NXPH1: variants seen among roughly 807,000 people sequenced by gnomAD.
The protein encoded by NXPH1 is neurexophilin 1.
NXPH1 carries 5 observed loss-of-function variants against 23.7 expected under a neutral mutation model. The observed-to-expected ratio is 0.21, with a 90% confidence interval of 0.11 to 0.44. The LOEUF (loss-of-function observed/expected upper bound fraction) is 0.44. Ranked by LOEUF, NXPH1 falls within the 20% of genes least tolerant of loss-of-function variation. The probability of loss-of-function intolerance (pLI) is 0.99; values close to 1 mark genes in which losing one functional copy is unlikely to be tolerated. For missense variants in NXPH1, 324 were observed against 321.6 expected (o/e 1.01, Z -0.06); for synonymous variants, 144 against 122.2 (o/e 1.18, Z -1.18).
chr7:8,703,851 C>T (rs1228308647), intron 2 of NXPH1, among the ~76,000 whole-genome samples: 1 of 152,066 alleles, frequency 6.6e-6, no homozygotes, highest in Non-Finnish European at 1.5e-5. Flanking sequence ...TCCCTTTGTT[C>T]AATTATTTCA....
At chr7:8,660,938 A>C (rs1000282193) in intron 2 of NXPH1, among the ~76,000 whole-genome samples, 1 of 150,594 alleles carries the variant, frequency 6.6e-6, no homozygotes, top group African/African-American at 2.5e-5. Context: ...ATCAGAGGAC[A>C]TAATTTTTAT....
In NXPH1 at chr7:8,538,837, A is replaced by G. The variant is rs562319705; in HGVS notation, c.54+103070A>G. On this transcript the variant is annotated intron_variant, in intron 2 of 2. Transcript: ENST00000405863. The stretch of plus-strand genomic sequence containing the variant: ...TGACGGTAAAGCTGAAGTCCCAGAC[A>G]GCAAGCTGTATGGATTTGAGCAGAA... Among the ~76,000 whole-genome samples the G allele has an allele frequency of 2.0e-5, 3 of 152,096 alleles. No homozygotes were observed. The East Asian group carries it at 5.8e-4, about 30-fold the overall frequency.
intron 2 of NXPH1, among the ~76,000 whole-genome samples, chr7:8,691,202 A>G (rs952256229): frequency 2.6e-5 from 4 of 152,066 alleles, no homozygotes; most frequent in South Asian, 2.1e-4. Flanking sequence ...CTGGAGTGCA[A>G]TGGCGTGATC....
intron 2 of NXPH1, among the ~76,000 whole-genome samples, chr7:8,479,988 TAATA>T (rs760365396): frequency 2.8e-4 from 42 of 152,006 alleles, no homozygotes; most frequent in Non-Finnish European, 3.8e-4. Flanking sequence ...AAAAAATAAT[TAATA>T]AATAAAATTA....
At chr7:8,741,447 A>G (rs1241279848) in intron 2 of NXPH1, among the ~76,000 whole-genome samples, 3 of 151,982 alleles carry the variant, frequency 2.0e-5, no homozygotes, top group South Asian at 2.1e-4. Context: ...TGGTAGTTCT[A>G]TTTGTAGTTG....
chr7:8,679,602 T>G (rs1821020101), intron 2 of NXPH1, among the ~76,000 whole-genome samples: 1 of 152,214 alleles, frequency 6.6e-6, no homozygotes, highest in South Asian at 2.1e-4. Context: ...TTGTTATTAT[T>G]TTTGGTGTGA....
rs140572394 is a variant in NXPH1, at chr7:8,520,802, T to C, written c.54+85035T>C. 1.6e-3 allele frequency among the ~76,000 whole-genome samples: 247 copies of C among 152,306 alleles called. 1 individual carries two copies. Among genetic ancestry groups the C allele is most frequent in the African/African-American group, 5.7e-3 (235 of 41,580 alleles). ...AGTTGCATTGTATCATAAACATATTTCATGCCGGGTTTTGTCACTTCATTT... is the reference window on the plus strand; with the variant it reads ...AGTTGCATTGTATCATAAACATATTCCATGCCGGGTTTTGTCACTTCATTT... On this transcript the variant is annotated intron_variant, in intron 2 of 2. Coordinates refer to ENST00000405863, the MANE Select transcript of NXPH1 (RefSeq NM_152745.3).
intron 2 of NXPH1, among the ~76,000 whole-genome samples, chr7:8,721,342 G>A (rs1359256166): frequency 6.6e-6 from 1 of 151,964 alleles, no homozygotes; most frequent in Non-Finnish European, 1.5e-5. Flanking sequence ...GCATATGGAA[G>A]TTTCTTGTAA....
At chr7:8,557,145 G>A (rs1386720756) in intron 2 of NXPH1, among the ~76,000 whole-genome samples, 1 of 151,720 alleles carries the variant, frequency 6.6e-6, no homozygotes, top group Admixed American at 6.6e-5. Context: ...TTTAGAACCT[G>A]TGTTTGGGTC....
At chr7:8,649,863 T>C (rs1820462683) in intron 2 of NXPH1, among the ~76,000 whole-genome samples, 1 of 152,214 alleles carries the variant, frequency 6.6e-6, no homozygotes, top group African/African-American at 2.4e-5. Context: ...TCTACCATCT[T>C]GACAGAAACA....
intron 2 of NXPH1, among the ~76,000 whole-genome samples, chr7:8,705,666 C>T (rs142066565): frequency 4.3e-4 from 66 of 152,226 alleles, no homozygotes; most frequent in African/African-American, 1.2e-3. Context: ...AGCAAATCAA[C>T]GTAGCCCTTT....
intron 2 of NXPH1, among the ~76,000 whole-genome samples, chr7:8,738,438 T>C (rs1780300316): frequency 6.6e-6 from 1 of 152,166 alleles, no homozygotes; most frequent in South Asian, 2.1e-4. Context: ...TTTGGCTGGG[T>C]ATCACCAGAG....
intron 2 of NXPH1, among the ~76,000 whole-genome samples, chr7:8,490,083 A>G (rs1817224361): frequency 6.6e-6 from 1 of 152,084 alleles, no homozygotes. Context: ...CTACTGACTT[A>G]GTCTGGCTCT....
intron 2 of NXPH1, among the ~76,000 whole-genome samples, chr7:8,655,161 G>A (rs993790908): frequency 1.5e-4 from 23 of 152,198 alleles, no homozygotes; most frequent in African/African-American, 5.5e-4. Flanking sequence ...AAGGTAGGTG[G>A]ATTGCTTGAA....
chr7:8,447,416 T>C (rs1816424270), intron 2 of NXPH1, among the ~76,000 whole-genome samples: 1 of 152,232 alleles, frequency 6.6e-6, no homozygotes. Context: ...ACTTAATTGC[T>C]ATTGATGTGG....
At chr7:8,619,797 T>C (rs1015886055) in intron 2 of NXPH1, among the ~76,000 whole-genome samples, 2 of 152,196 alleles carry the variant, frequency 1.3e-5, no homozygotes, top group Non-Finnish European at 2.9e-5. Context: ...TTATTTCATA[T>C]GATGTTTTCA....
At chr7:8,746,640 T>C (rs2115232624) in intron 2 of NXPH1, among the ~76,000 whole-genome samples, 1 of 152,348 alleles carries the variant, frequency 6.6e-6, no homozygotes, top group African/African-American at 2.4e-5. Flanking sequence ...TCAATATATA[T>C]TGATGCTATC....
At chr7:8,591,427 A>G (rs1819091213) in intron 2 of NXPH1, among the ~76,000 whole-genome samples, 2 of 152,086 alleles carry the variant, frequency 1.3e-5, no homozygotes, top group Non-Finnish European at 2.9e-5. Context: ...TTTACTGAAC[A>G]CCTTCTTTGC....
intron 2 of NXPH1, among the ~76,000 whole-genome samples, chr7:8,679,826 G>T (rs1583227467): frequency 6.6e-6 from 1 of 152,332 alleles, no homozygotes; most frequent in South Asian, 2.1e-4. Context: ...TTCGAGACCA[G>T]CCTGACCAAC....
Sources: gnomAD v4.1 joint callset for allele counts (sites outside exome capture counted in the v4.1 genomes callset) on GRCh38, gnomAD v4.1.1 for gene constraint, MANE v1.5 for transcripts, NCBI Gene and HGNC (gene_info 2026-07-23, HGNC 2026-07-21) for gene names.